The following TMTC1 variants were observed in gnomAD, a reference collection of about 807,000 sequenced individuals.
The protein encoded by TMTC1 is protein O-mannosyl-transferase TMTC1.
TMTC1 carries 73 observed loss-of-function variants against 104.8 expected under a neutral mutation model. The ratio of observed to expected loss-of-function variants is 0.70; its 90% CI spans 0.58 to 0.85. TMTC1 has a LOEUF of 0.85. Ranked by LOEUF, TMTC1 falls within the 40% of genes least tolerant of loss-of-function variation. The pLI is 0.00. For synonymous variants in TMTC1, 434 were observed against 428.7 expected (o/e 1.01, Z -0.15); for missense variants, 1,035 against 1,096.1 (o/e 0.94, Z 0.79).
chr12:29,568,636 C>G (rs1827632820), intron 9 of TMTC1: 1 of 185,856 alleles, frequency 5.4e-6, no homozygotes, highest in African/African-American at 2.3e-5. Context: ...AAATAAAATA[C>G]TCAAGCGTTT....
At chr12:29,706,389 A>G (rs1454569314) in intron 5 of TMTC1, among the ~76,000 whole-genome samples, 7 of 152,202 alleles carry the variant, frequency 4.6e-5, no homozygotes, top group African/African-American at 1.7e-4. Flanking sequence ...GTTGAGACAT[A>G]AAGGCATTGC....
intron 5 of TMTC1, among the ~76,000 whole-genome samples, chr12:29,666,772 C>T (rs1046016798): frequency 6.6e-6 from 1 of 152,166 alleles, no homozygotes; most frequent in Non-Finnish European, 1.5e-5. Context: ...GCCTAAATGT[C>T]AGCTCCAGGT....
chr12:29,647,893 G>A lies in TMTC1; in HGVS notation c.939-14557C>T, dbSNP rs138843363. Among the ~76,000 whole-genome samples the A allele has an allele frequency of 3.3e-5, 5 of 152,296 alleles. No individual in the cohort carries two copies. The East Asian group carries it at 9.6e-4, about 29-fold the overall frequency. On this transcript the variant is annotated intron_variant, in intron 5 of 17. Transcript: ENST00000539277. ...AAAGGCAATACTTCTTCCATCAAGT[G>A]TAGGCTGCTTTATGTCCTATCCCCT...
chr12:29,518,736 C>T, intron 12 of TMTC1, 129 bp from the exon 13 acceptor site: 7 of 1,185,524 alleles, frequency 5.9e-6, no homozygotes, highest in Non-Finnish European at 8.0e-6. Flanking sequence ...ATTCAATATG[C>T]AAATTAGCTT....
At chr12:29,704,640 C>T (rs1254126294) in intron 5 of TMTC1, among the ~76,000 whole-genome samples, 1 of 152,046 alleles carries the variant, frequency 6.6e-6, no homozygotes, top group African/African-American at 2.4e-5. Flanking sequence ...TTTTGATATT[C>T]TAATTTAAGA....
chr12:29,780,713 G>A (rs1943816359), intron 1 of TMTC1, among the ~76,000 whole-genome samples: 1 of 152,098 alleles, frequency 6.6e-6, no homozygotes, highest in South Asian at 2.1e-4. Context: ...GCTGTAGATT[G>A]CATCAATATC....
intron 15 of TMTC1, among the ~76,000 whole-genome samples, chr12:29,515,440 C>T (rs890825488): frequency 6.6e-6 from 1 of 152,210 alleles, no homozygotes; most frequent in Non-Finnish European, 1.5e-5. Flanking sequence ...GGTGCTCCTG[C>T]TCCCTCACTC....
chr12:29,564,531 T>A (rs184256155), intron 9 of TMTC1, among the ~76,000 whole-genome samples: 1 of 152,160 alleles, frequency 6.6e-6, no homozygotes, highest in Non-Finnish European at 1.5e-5. Flanking sequence ...CAAAGTCAAA[T>A]GCTGCTGAGA....
rs138903081 is a variant in TMTC1 at position 29,569,732 on chromosome 12, A to C, written c.1532+2373T>G. ...CACATCCGTTGAAAATTCACCACAG[A>C]GGTATCCACACAAAAATGATATTTT... On this transcript the variant is annotated intron_variant, in intron 9 of 17. Coordinates refer to ENST00000539277, the MANE Select transcript of TMTC1 (RefSeq NM_001193451.2). 2.5e-3 allele frequency among the ~76,000 whole-genome samples: 379 copies of C among 152,344 alleles called. 1 individual carries two copies. Among genetic ancestry groups the C allele is most frequent in the Admixed American group, 8.4e-3 (128 of 15,290 alleles).
intron 11 of TMTC1, chr12:29,534,440 A>G (rs1298997031): frequency 1.3e-5 from 2 of 152,238 alleles, no homozygotes; most frequent in Non-Finnish European, 2.9e-5. Context: ...TGTGTGTAAG[A>G]AAAGATAATG....
chr12:29,705,930 C>T (rs1279165450), intron 5 of TMTC1, among the ~76,000 whole-genome samples: 3 of 151,876 alleles, frequency 2.0e-5, no homozygotes, highest in Admixed American at 1.3e-4. Context: ...AGAATGTCTG[C>T]TTCGGGCTGA....
chr12:29,612,958 G>T (rs2136433329), intron 6 of TMTC1, among the ~76,000 whole-genome samples: 1 of 152,236 alleles, frequency 6.6e-6, no homozygotes, highest in Non-Finnish European at 1.5e-5. Flanking sequence ...GTGACCACAG[G>T]GGTTCAATGA....
At chr12:29,569,281 T>C (rs1388959861) in intron 9 of TMTC1, among the ~76,000 whole-genome samples, 1 of 152,182 alleles carries the variant, frequency 6.6e-6, no homozygotes, top group Non-Finnish European at 1.5e-5. Context: ...CTTATTATAG[T>C]GCTATTTTTA....
intron 7 of TMTC1, among the ~76,000 whole-genome samples, chr12:29,585,776 C>T (rs1437430310): frequency 6.6e-6 from 1 of 152,112 alleles, no homozygotes; most frequent in Admixed American, 6.6e-5. Context: ...TCTGAAGGCT[C>T]CATTCTGTTC....
intron 6 of TMTC1, among the ~76,000 whole-genome samples, chr12:29,621,578 CT>C (rs1183978955): frequency 6.6e-6 from 1 of 152,168 alleles, no homozygotes. Context: ...TCTCCAAGTC[CT>C]TTTTGGAATG....
chr12:29,644,057 T>C (rs1939130581), intron 5 of TMTC1, among the ~76,000 whole-genome samples: 1 of 26,376 alleles, frequency 3.8e-5, no homozygotes, highest in African/African-American at 1.1e-4. Context: ...TATATAAATA[T>C]AAATATATAA....
chr12:29,585,619 T>C (rs1273153704), intron 7 of TMTC1, among the ~76,000 whole-genome samples: 6 of 152,222 alleles, frequency 3.9e-5, no homozygotes, highest in African/African-American at 1.4e-4. Context: ...ATTTTTTGTA[T>C]AAGATGTAAG....
intron 11 of TMTC1, among the ~76,000 whole-genome samples, chr12:29,523,199 C>T (rs2136166084): frequency 6.6e-6 from 1 of 152,242 alleles, no homozygotes; most frequent in Non-Finnish European, 1.5e-5. Context: ...AAACTTTAGA[C>T]AAATTAAATG....
At chr12:29,648,888 C>A (rs1183751943) in intron 5 of TMTC1, among the ~76,000 whole-genome samples, 2 of 151,938 alleles carry the variant, frequency 1.3e-5, no homozygotes, top group Non-Finnish European at 2.9e-5. Flanking sequence ...CTTCTAAATG[C>A]GGTGTGCCTT....
Sources: gnomAD v4.1 joint callset for allele counts (sites outside exome capture counted in the v4.1 genomes callset) on GRCh38, gnomAD v4.1.1 for gene constraint, MANE v1.5 for transcripts, NCBI Gene and HGNC (gene_info 2026-07-23, HGNC 2026-07-21) for gene names.